Variants in SLC43A3 observed in about 807,000 individuals in gnomAD.
SLC43A3 encodes solute carrier family 43 member 3.
A neutral mutation model predicts 53.3 loss-of-function variants in SLC43A3; 33 were observed. The observed-to-expected ratio is 0.62, with a 90% CI of 0.47 to 0.83. SLC43A3 has a LOEUF of 0.83. Among genes scored for constraint, SLC43A3 ranks in the 40% least tolerant of loss-of-function variants. SLC43A3 has a pLI of 0.00. For synonymous variants in SLC43A3, 236 were observed against 246.2 expected (o/e 0.96, Z 0.39); for missense variants, 530 against 610.0 (o/e 0.87, Z 1.38).
chr11:57,408,977 C>T (rs1247793282), intron 13 of SLC43A3, among the ~76,000 whole-genome samples, 198 bp downstream of exon 13: 2 of 152,222 alleles, frequency 1.3e-5, no homozygotes, highest in Admixed American at 6.5e-5. Flanking sequence ...CTTGAAGTTT[C>T]GTGAGAATTC....
At chr11:57,411,051 C>A (rs1042618818) in intron 11 of SLC43A3, among the ~76,000 whole-genome samples, 3 of 151,990 alleles carry the variant, frequency 2.0e-5, no homozygotes, top group Admixed American at 2.0e-4. Context: ...AGCATGAAAA[C>A]AGACTAATAC....
In SLC43A3 at chr11:57,416,783, C is replaced by T. The variant is rs567587224; in HGVS notation, c.672-113G>A. Reference sequence around the variant, plus strand: ...ACATTCCACCGCACTTTGGAATCACCTTTTAGCCACTCTGATGCCCAGGTT... The same window carrying T: ...ACATTCCACCGCACTTTGGAATCACTTTTTAGCCACTCTGATGCCCAGGTT... On this transcript the variant is annotated intron_variant, in intron 8 of 13. Coordinates refer to ENST00000395124, the MANE Select transcript of SLC43A3 (RefSeq NM_199329.3). The T allele has an allele frequency of 1.2e-5, 9 of 779,892 alleles. No homozygotes were observed. The Admixed American group carries it at 1.7e-4, about 15-fold the overall frequency. 48.3% of individuals were successfully genotyped at this position (779,892 alleles called of 1,614,324 possible).
In SLC43A3 at chr11:57,425,586, T is replaced by A. The variant is rs1304099372; in HGVS notation, c.269A>T (p.Tyr90Phe). ...GGTGGTCTTGAACCGGTCAAAGATG[T>A]AGCCAGTGGGGAATGTCATGAAGTT... The part of the protein sequence containing the change: ...MNNFMTFPTG[Y>F]IFDRFKTTVA... The change falls in exon 4 of 14, where the codon TAC becomes TTC. Residue 90 changes from tyrosine (Y) to phenylalanine (F), a missense_variant. This residue lies in a region of SLC43A3 where 376 missense variants were observed against 386.7 expected (regional missense o/e 0.97). Transcript: ENST00000395124. The A allele has an allele frequency of 5.0e-6, 8 of 1,614,076 alleles. No homozygotes were observed. Among genetic ancestry groups the A allele is most frequent in the Non-Finnish European group, 6.8e-6 (8 of 1,180,006 alleles).
At chr11:57,410,211 A>G (rs1942389387) in intron 11 of SLC43A3, 90 bp from the exon 12 acceptor site, 1 of 1,055,890 alleles carries the variant, frequency 9.5e-7, no homozygotes, top group East Asian at 2.6e-5. Context: ...AAAGGGGAGG[A>G]GCCACTATCC....
At chr11:57,413,425 G>A (rs943411984) in intron 11 of SLC43A3, among the ~76,000 whole-genome samples, 1 of 152,174 alleles carries the variant, frequency 6.6e-6, no homozygotes, top group African/African-American at 2.4e-5. Flanking sequence ...GTGTGATCAT[G>A]ATTTTATGGT....
intron 11 of SLC43A3, among the ~76,000 whole-genome samples, chr11:57,413,989 T>A (rs1942598190): frequency 6.6e-6 from 1 of 152,196 alleles, no homozygotes; most frequent in Non-Finnish European, 1.5e-5. Flanking sequence ...ACAGATTATG[T>A]GCGCTTCTTT....
In SLC43A3 at chr11:57,407,887, T is replaced by C. The variant is rs371035531; in HGVS notation, c.1381A>G (p.Met461Val). 9 of 1,609,676 alleles carry C rather than the reference T, an allele frequency of 5.6e-6. No individual in the cohort carries two copies. The highest frequency in any genetic ancestry group is 1.3e-5 in the African/African-American group (1 of 74,778). The change falls in exon 14 of 14, where the codon ATG becomes GTG. Residue 461 changes from methionine to valine, a missense_variant. This residue lies in a region of SLC43A3 where 124 missense variants were observed against 166.4 expected (regional missense o/e 0.75). Coordinates refer to ENST00000395124, the MANE Select transcript of SLC43A3 (RefSeq NM_199329.3). The part of the protein sequence containing the change: ...LQNDPFYVNV[M>V]FMLAILLTFF... ...GTCAGAAGAATGGCAAGCATGAACA[T>C]CACATTCACCTGCAGGGAGAGCAGA...
At chr11:57,413,164 A>T (rs1942561775) in intron 11 of SLC43A3, among the ~76,000 whole-genome samples, 1 of 152,240 alleles carries the variant, frequency 6.6e-6, no homozygotes, top group Non-Finnish European at 1.5e-5. Flanking sequence ...TGACACATTA[A>T]AACAACGCCA....
chr11:57,425,735 C>A, intron 3 of SLC43A3, 65 bp from the exon 4 acceptor site: 1 of 1,599,962 alleles, frequency 6.3e-7, no homozygotes, highest in Non-Finnish European at 8.5e-7. Flanking sequence ...ACAGGCTGGG[C>A]TCCCCTCCAC....
At position 57,425,788 on chromosome 11, in the gene SLC43A3, T is replaced by C. The variant is rs933454123; in HGVS notation, c.185-118A>G. On this transcript the variant is annotated intron_variant, in intron 3 of 13. Coordinates refer to ENST00000395124, the MANE Select transcript of SLC43A3 (RefSeq NM_199329.3). ...TCGCAAACTTGTCCCTTAAGCTGAG[T>C]TGAAATGTGGCTGCCCCTAATTACC... 117 of 1,509,244 alleles carry C rather than the reference T, an allele frequency of 7.8e-5. 1 individual carries two copies. Among genetic ancestry groups the C allele is most frequent in the Admixed American group, 2.0e-4 (10 of 49,924 alleles). The allele number at this position is 1,509,244 out of a possible 1,614,324, so 93.5% of individuals were successfully genotyped here.
intron 11 of SLC43A3, among the ~76,000 whole-genome samples, chr11:57,414,190 G>T (rs10750862): frequency 0.56 from 84,956 of 152,036 alleles, 24,276 homozygotes; most frequent in Admixed American, 0.7. Context: ...TTTAATGAAT[G>T]AATGAGTGCA....
chr11:57,415,230 C>A, intron 9 of SLC43A3, 124 bp from the exon 10 acceptor site: 1 of 1,542,368 alleles, frequency 6.5e-7, no homozygotes, highest in Non-Finnish European at 8.7e-7. Context: ...GCTCCCAGAA[C>A]TCACCCGGCG....
intron 5 of SLC43A3, 103 bp from the exon 6 acceptor site, chr11:57,421,476 T>C (rs372270130): frequency 1.2e-6 from 1 of 823,768 alleles, no homozygotes; most frequent in South Asian, 1.6e-5. Flanking sequence ...AATCCTGGTA[T>C]CCAGGCCCCA....
chr11:57,426,289 TTCCCGTAGCTC>T lies in SLC43A3; in HGVS notation c.-128_-118del. The T allele has an allele frequency of 3.3e-6, 3 of 921,810 alleles. No homozygotes were observed. Among genetic ancestry groups the T allele is most frequent in the Non-Finnish European group, 4.9e-6 (3 of 616,468 alleles). The allele number at this position is 921,810 out of a possible 1,614,324, so 57.1% of individuals were successfully genotyped here. On this transcript the variant is annotated 5_prime_UTR_variant, in exon 3 of 14. It introduces an in-frame stop codon into an upstream open reading frame of the 5' UTR. Coordinates refer to ENST00000395124, the MANE Select transcript of SLC43A3 (RefSeq NM_199329.3). ...TCCTCTGGCAAGCCAAGCCCTTCCT[TTCCCGTAGCTC>T]TCTGGTTGTTTCAGGCCTGGGCAAA...
chr11:57,418,483 C>T (rs1482527546), intron 7 of SLC43A3, among the ~76,000 whole-genome samples: 1 of 152,116 alleles, frequency 6.6e-6, no homozygotes, highest in African/African-American at 2.4e-5. Context: ...TGCTTGAGTC[C>T]AGGAGCTTGA....
At chr11:57,423,292 T>C (rs1943067758) in intron 5 of SLC43A3, among the ~76,000 whole-genome samples, 1 of 152,168 alleles carries the variant, frequency 6.6e-6, no homozygotes, top group African/African-American at 2.4e-5. Context: ...TACAATAGGG[T>C]TGTCAACTTT....
chr11:57,421,298 T>G lies in SLC43A3; in HGVS notation c.437A>C (p.Gln146Pro), dbSNP rs550758492. 1 of 1,612,444 alleles carries G rather than the reference T, an allele frequency of 6.2e-7. No homozygotes were observed. The highest frequency in any genetic ancestry group is 2.2e-5 in the East Asian group (1 of 44,874). Residue 146 changes from glutamine to proline, a missense_variant and splice_region_variant, in exon 6 of 14, where the codon CAG becomes CCG. Physicochemically the swap from Gln to Pro is moderately conservative, Grantham distance 76. Transcript: ENST00000395124. ...CCTGGGATTAGGGAAGGCTCCCACC[T>G]GCAGGTTGGTGATGAGAAACAGGAT... ...GGILFLITNL[Q>P]IGNLFGQHRS...
chr11:57,415,060 G>A lies in SLC43A3; in HGVS notation c.816C>T (p.Ser272=). The A allele has an allele frequency of 6.2e-7, 1 of 1,614,096 alleles. No homozygotes were observed. The highest frequency in any genetic ancestry group is 8.5e-7 in the Non-Finnish European group (1 of 1,179,960). Residue 272 remains serine (S), a synonymous_variant, in exon 10 of 14, where the codon AGC becomes AGT. Coordinates refer to ENST00000395124, the MANE Select transcript of SLC43A3 (RefSeq NM_199329.3). ...AGGCAAAGCGCCGAGAGAAAGCGTA[G>A]CTCCAGAAGGAGCGGAGTTCCTGCT... ...GQKQELRSFW[S]YAFSRRFAWH... is the part of the protein sequence containing the mutation.
chr11:57,420,909 T>C, intron 7 of SLC43A3, 63 bp downstream of exon 7: 1 of 1,125,858 alleles, frequency 8.9e-7, no homozygotes, highest in Non-Finnish European at 1.4e-6. Context: ...ATAATGCAGG[T>C]TCACAAGACA....
Sources: allele counts gnomAD v4.1 joint callset (sites outside exome capture counted in the v4.1 genomes callset), GRCh38; gene constraint gnomAD v4.1.1; regional missense constraint gnomAD v4.1.1; transcripts MANE v1.5; gene names NCBI Gene and HGNC (gene_info 2026-07-23, HGNC 2026-07-21).